Variants in NBEA observed in about 807,000 individuals in gnomAD.
The protein encoded by NBEA is lysosomal-trafficking regulator 2.
Under a neutral mutation model 343.4 loss-of-function variants are expected in NBEA, and 44 were observed. The observed-to-expected ratio is 0.13, with a 90% CI of 0.10 to 0.16. The LOEUF is 0.16. NBEA is among the 10% of genes least tolerant of loss of function. NBEA has a pLI of 1.00. For missense variants in NBEA, 2,555 were observed against 3,631.3 expected (o/e 0.70, Z 7.62); for synonymous variants, 1,175 against 1,238.7 (o/e 0.95, Z 1.08).
intron 1 of NBEA, among the ~76,000 whole-genome samples, chr13:35,039,121 AG>A (rs955252832): frequency 1.3e-5 from 2 of 152,106 alleles, no homozygotes; most frequent in African/African-American, 2.4e-5. Flanking sequence ...TAGTTTGGTC[AG>A]GTTTTCCTTT....
chr13:35,089,769 A>G (rs1440258089), intron 10 of NBEA, among the ~76,000 whole-genome samples: 1 of 149,438 alleles, frequency 6.7e-6, no homozygotes, highest in Non-Finnish European at 1.5e-5. Flanking sequence ...AGGGACATGG[A>G]TGAAATTGGA....
chr13:35,458,952 A>G (rs1219678205), intron 40 of NBEA, among the ~76,000 whole-genome samples: 1 of 141,034 alleles, frequency 7.1e-6, no homozygotes, highest in Non-Finnish European at 1.5e-5. Context: ...TAAGTGTTGG[A>G]TTTTTTTTAA....
At chr13:35,140,016 C>T (rs114200004) in intron 17 of NBEA, among the ~76,000 whole-genome samples, 228 of 152,016 alleles carry the variant, frequency 1.5e-3, no homozygotes, top group African/African-American at 5.4e-3. Context: ...AGATAGCCTA[C>T]TTAATTAATT....
chr13:35,316,088 T>G (rs902074119), intron 36 of NBEA, among the ~76,000 whole-genome samples: 2 of 151,936 alleles, frequency 1.3e-5, no homozygotes, highest in Non-Finnish European at 2.9e-5. Flanking sequence ...CAGGTTTTCT[T>G]TAACATTCTT....
At chr13:35,582,261 A>G (rs530524277) in intron 45 of NBEA, among the ~76,000 whole-genome samples, 45 of 152,270 alleles carry the variant, frequency 3.0e-4, no homozygotes, top group African/African-American at 6.3e-4. Context: ...ACTCCAGCCT[A>G]GGCAACAGTG....
At chr13:35,626,844 TTC>T (rs2083252797) in intron 48 of NBEA, among the ~76,000 whole-genome samples, 1 of 152,184 alleles carries the variant, frequency 6.6e-6, no homozygotes, top group African/African-American at 2.4e-5. Context: ...AATATAGAAA[TTC>T]TGTTTGCCTT....
chr13:35,048,248 A>G (rs2062934629), intron 4 of NBEA, among the ~76,000 whole-genome samples: 1 of 151,958 alleles, frequency 6.6e-6, no homozygotes, highest in African/African-American at 2.4e-5. Flanking sequence ...TGGGAGGCTT[A>G]TGTGTAAGAG....
intron 8 of NBEA, among the ~76,000 whole-genome samples, chr13:35,068,300 T>C (rs957949271): frequency 7.9e-5 from 12 of 152,164 alleles, no homozygotes; most frequent in African/African-American, 2.9e-4. Context: ...TTAGATATCT[T>C]ACATTTCCAC....
At chr13:34,991,406 G>A (rs1279011710) in intron 1 of NBEA, among the ~76,000 whole-genome samples, 2 of 152,202 alleles carry the variant, frequency 1.3e-5, no homozygotes, top group African/African-American at 4.8e-5. Flanking sequence ...GGCAGAAGGT[G>A]AAGGGGAAAC....
At chr13:35,358,663 A>G (rs1261253755) in intron 38 of NBEA, among the ~76,000 whole-genome samples, 2 of 152,028 alleles carry the variant, frequency 1.3e-5, no homozygotes, top group Non-Finnish European at 2.9e-5. Flanking sequence ...GGTTGCAGTG[A>G]GCCGAGATTG....
intron 36 of NBEA, among the ~76,000 whole-genome samples, chr13:35,337,497 T>C (rs1221806959): frequency 1.3e-5 from 2 of 152,094 alleles, no homozygotes; most frequent in African/African-American, 4.8e-5. Context: ...CCCTAAAATA[T>C]ATCAAGCAAA....
rs140518872 is a variant in NBEA, at chr13:35,472,476, G to C, written c.6525G>C (p.Thr2175=). 1 of 1,613,938 alleles carries C rather than the reference G, an allele frequency of 6.2e-7. No homozygotes were observed. The highest frequency in any genetic ancestry group is 1.7e-5 in the Admixed American group (1 of 60,012). The change falls in exon 41 of 59, where the codon ACG becomes ACC. Residue 2175 remains threonine (T), a synonymous_variant. Coordinates refer to ENST00000379939, the MANE Select transcript of NBEA (RefSeq NM_001385012.1). ...VVAKGTLSIT[T]TEIYFEVDED... ...CCAAGGGGACTCTCTCCATCACCACGACAGAAATCTACTTCGAGGTAGATG... is the reference window on the plus strand; with the variant it reads ...CCAAGGGGACTCTCTCCATCACCACCACAGAAATCTACTTCGAGGTAGATG...
At chr13:35,094,095 C>T (rs1056508130) in intron 10 of NBEA, among the ~76,000 whole-genome samples, 3 of 151,756 alleles carry the variant, frequency 2.0e-5, no homozygotes, top group African/African-American at 7.3e-5. Context: ...CTTCTTAAAA[C>T]TATATTTGTC....
intron 41 of NBEA, among the ~76,000 whole-genome samples, chr13:35,482,285 AG>A (rs1296981017): frequency 6.6e-6 from 1 of 151,622 alleles, no homozygotes; most frequent in Non-Finnish European, 1.5e-5. Flanking sequence ...CAGAAAAAGA[AG>A]GAAATTAGTT....
chr13:35,626,674 C>T (rs896605723), intron 48 of NBEA, among the ~76,000 whole-genome samples: 4 of 152,102 alleles, frequency 2.6e-5, no homozygotes, highest in African/African-American at 9.7e-5. Context: ...ATTAGACTGA[C>T]ATTTTTTCTT....
chr13:35,021,776 CTGT>C (rs2061849313), intron 1 of NBEA, among the ~76,000 whole-genome samples: 3 of 152,214 alleles, frequency 2.0e-5, no homozygotes, highest in Non-Finnish European at 4.4e-5. Context: ...GTCCTTTGTG[CTGT>C]TGTTGTTACT....
intron 51 of NBEA, among the ~76,000 whole-genome samples, chr13:35,647,927 A>G (rs1363866920): frequency 1.3e-5 from 2 of 151,982 alleles, no homozygotes; most frequent in Non-Finnish European, 2.9e-5. Flanking sequence ...ACAGGCTAGA[A>G]TATAGCGCCA....
At chr13:35,318,409 A>ATT (rs1198677787) in intron 36 of NBEA, among the ~76,000 whole-genome samples, 4 of 152,064 alleles carry the variant, frequency 2.6e-5, no homozygotes, top group Non-Finnish European at 5.9e-5. Flanking sequence ...ACATTTATTG[A>ATT]TTTGCATGTG....
intron 1 of NBEA, among the ~76,000 whole-genome samples, chr13:34,977,016 C>A (rs2060202108): frequency 6.6e-6 from 1 of 150,556 alleles, no homozygotes; most frequent in East Asian, 2.0e-4. Flanking sequence ...TCTTGGCTCA[C>A]CGTAACGTCT....
Sources: gnomAD v4.1 joint callset for allele counts (sites outside exome capture counted in the v4.1 genomes callset) on GRCh38, gnomAD v4.1.1 for gene constraint, MANE v1.5 for transcripts, NCBI Gene and HGNC (gene_info 2026-07-23, HGNC 2026-07-21) for gene names.